Variants in UTRN observed in about 807,000 individuals in gnomAD.
The protein encoded by UTRN is dystrophin-related protein 1.
Under a neutral mutation model 463.9 loss-of-function variants are expected in UTRN, and 283 were observed. The ratio of observed to expected loss-of-function variants is 0.61; its 90% CI spans 0.55 to 0.67. The LOEUF (loss-of-function observed/expected upper bound fraction) is 0.67. UTRN is among the 30% of genes least tolerant of loss of function. The pLI, the probability that UTRN is intolerant of heterozygous loss-of-function variation, is 0.00. For synonymous variants in UTRN, 1,442 were observed against 1,431.5 expected, an observed-to-expected ratio of 1.01 and a Z score of -0.17; for missense variants, 3,922 against 4,084.3, an observed-to-expected ratio of 0.96 and a Z score of 1.08.
At chr6:144,511,211 TC>T in intron 35 of UTRN, 88 bp downstream of exon 35, 1 of 1,271,016 alleles carries the variant, frequency 7.9e-7, no homozygotes, top group East Asian at 2.7e-5. Flanking sequence ...AAATTTCAAA[TC>T]CTGTTTACTG....
intron 52 of UTRN, among the ~76,000 whole-genome samples, chr6:144,679,798 T>C (rs1208109335): frequency 6.6e-6 from 1 of 152,150 alleles, no homozygotes; most frequent in Non-Finnish European, 1.5e-5. Context: ...TAAGATGTAT[T>C]GAAAGGTTTT....
chr6:144,665,487 T>C (rs952102877), intron 51 of UTRN, among the ~76,000 whole-genome samples: 1 of 152,238 alleles, frequency 6.6e-6, no homozygotes, highest in East Asian at 1.9e-4. Flanking sequence ...AACAAGTTAT[T>C]TGATATACAT....
At chr6:144,732,727 T>TGTTATG (rs1327173484) in intron 54 of UTRN, among the ~76,000 whole-genome samples, 1 of 149,276 alleles carries the variant, frequency 6.7e-6, no homozygotes. Flanking sequence ...TGTTATGTTA[T>TGTTATG]TTTGAGACAG....
chr6:144,836,353 C>T lies in UTRN; in HGVS notation c.9877C>T (p.Leu3293Phe), dbSNP rs745654520. The change falls in exon 71 of 75, where the codon CTC becomes TTC. Residue 3293 changes from leucine (L) to phenylalanine (F), a missense_variant. Around this residue, in one of 3 missense-constraint regions of UTRN, gnomAD observed 1,309 missense variants for 1,452.6 expected, o/e 0.90. Transcript: ENST00000367545. Reference protein sequence around the residue: ...QLKDQHLRRGLPVGSPPESII... With the variant: ...QLKDQHLRRGFPVGSPPESII... ...GAAGGACCAGCACCTCCGAAGGGGG[C>T]TCCCTGTCGGTTCACCGCCAGAGTC... The T allele has an allele frequency of 1.3e-5, 21 of 1,614,010 alleles. No individual in the cohort carries two copies. In the South Asian group the frequency reaches 1.3e-4, roughly 10 times the overall value.
At chr6:144,824,601 TATATATATATA>T (rs1310580119) in intron 66 of UTRN, among the ~76,000 whole-genome samples, 767 of 59,176 alleles carry the variant, frequency 0.013, 31 homozygotes, top group African/African-American at 0.052. Flanking sequence ...TATATATATA[TATATATATATA>T]TCTTTTTTTT....
chr6:144,628,271 A>G (rs1776153091), intron 51 of UTRN, among the ~76,000 whole-genome samples: 1 of 152,232 alleles, frequency 6.6e-6, no homozygotes, highest in African/African-American at 2.4e-5. Flanking sequence ...TGGGGTCTAT[A>G]TAAACATGAC....
intron 51 of UTRN, among the ~76,000 whole-genome samples, chr6:144,594,006 T>C (rs1803382964): frequency 6.6e-6 from 1 of 152,216 alleles, no homozygotes; most frequent in Admixed American, 6.5e-5. Flanking sequence ...AGCCTTCTTT[T>C]GGATGTAAGT....
At chr6:144,338,817 C>T (rs974002434) in intron 2 of UTRN, among the ~76,000 whole-genome samples, 3 of 152,118 alleles carry the variant, frequency 2.0e-5, no homozygotes, top group African/African-American at 7.2e-5. Flanking sequence ...TTGAAGAAGA[C>T]CTCCGAAAAC....
At chr6:144,529,402 A>G (rs749100894) in intron 41 of UTRN, among the ~76,000 whole-genome samples, 15 of 152,070 alleles carry the variant, frequency 9.9e-5, no homozygotes, top group South Asian at 4.2e-4. Flanking sequence ...AAAGTCCACT[A>G]TGTGTCTGCA....
intron 53 of UTRN, among the ~76,000 whole-genome samples, chr6:144,724,009 C>CAAAAAAAAAA (rs59598919): frequency 1.7e-5 from 1 of 58,774 alleles, no homozygotes; most frequent in Admixed American, 2.0e-4. Flanking sequence ...GACTCCATCT[C>CAAAAAAAAAA]AAAAAAAAAA....
At chr6:144,819,847 T>A (rs1316291207) in intron 65 of UTRN, among the ~76,000 whole-genome samples, 1 of 148,438 alleles carries the variant, frequency 6.7e-6, no homozygotes, top group Non-Finnish European at 1.5e-5. Context: ...AGAAAGTTTC[T>A]CTCTCCTTCT....
At chr6:144,326,764 C>T (rs775255611) in intron 2 of UTRN, among the ~76,000 whole-genome samples, 30 of 152,158 alleles carry the variant, frequency 2.0e-4, no homozygotes, top group South Asian at 6.2e-4. Context: ...TGTGGTAACA[C>T]GGACCCTCAC....
chr6:144,633,279 A>G lies in UTRN; in HGVS notation c.7480-45127A>G, dbSNP rs866694464. On this transcript the variant is annotated intron_variant, in intron 51 of 74. Transcript: ENST00000367545. ...GAGTCTTGCTCTGTCACCCAGGCTGAAGTGCAATGGCGCGATCTCGGCGCA... is the reference window on the plus strand; with the variant it reads ...GAGTCTTGCTCTGTCACCCAGGCTGGAGTGCAATGGCGCGATCTCGGCGCA... Among the ~76,000 whole-genome samples, 20 of 141,016 alleles carry G rather than the reference A, an allele frequency of 1.4e-4. No individual in the cohort carries two copies. In the South Asian group the frequency reaches 3.8e-3, roughly 27 times the overall value. 92.5% of individuals were successfully genotyped at this position (141,016 alleles called of 152,430 possible).
chr6:144,771,617 G>A (rs1411542940), intron 58 of UTRN, among the ~76,000 whole-genome samples: 4 of 151,810 alleles, frequency 2.6e-5, no homozygotes, highest in Non-Finnish European at 5.9e-5. Flanking sequence ...GTAGCGATGG[G>A]ATTTCATCAT....
chr6:144,569,908 T>G (rs1490593269), intron 50 of UTRN, among the ~76,000 whole-genome samples: 6 of 152,262 alleles, frequency 3.9e-5, no homozygotes, highest in African/African-American at 1.4e-4. Flanking sequence ...TCAAGCAATG[T>G]GGCAACCTCT....
At chr6:144,569,950 C>T (rs780365480) in intron 50 of UTRN, among the ~76,000 whole-genome samples, 24 of 152,170 alleles carry the variant, frequency 1.6e-4, no homozygotes, top group Non-Finnish European at 3.2e-4. Flanking sequence ...ACCAGATTCA[C>T]CCCTAGACCC....
At chr6:144,370,085 G>C (rs1779848686) in intron 2 of UTRN, among the ~76,000 whole-genome samples, 1 of 152,212 alleles carries the variant, frequency 6.6e-6, no homozygotes, top group Non-Finnish European at 1.5e-5. Context: ...CTGACAATGT[G>C]GAAGTGACTT....
chr6:144,341,744 A>G (rs1395332181), intron 2 of UTRN, among the ~76,000 whole-genome samples: 1 of 152,248 alleles, frequency 6.6e-6, no homozygotes, highest in Non-Finnish European at 1.5e-5. Context: ...TTGAAATGTC[A>G]TATTTACATT....
At chr6:144,598,012 CT>C (rs1314181302) in intron 51 of UTRN, among the ~76,000 whole-genome samples, 2 of 152,156 alleles carry the variant, frequency 1.3e-5, no homozygotes, top group Non-Finnish European at 1.5e-5. Flanking sequence ...AGGGTTGTTC[CT>C]TATTTACTGA....
Sources: gnomAD v4.1 joint callset for allele counts (sites outside exome capture counted in the v4.1 genomes callset) on GRCh38, gnomAD v4.1.1 for gene constraint, gnomAD v4.1.1 regional missense constraint, MANE v1.5 for transcripts, NCBI Gene and HGNC (gene_info 2026-07-23, HGNC 2026-07-21) for gene names.